The following ARHGAP10 variants were observed in gnomAD, a reference collection of about 807,000 sequenced individuals.
ARHGAP10 encodes the protein Rho GTPase activating protein 10.
ARHGAP10 carries 87 observed loss-of-function variants against 108.6 expected under a neutral mutation model. The ratio of observed to expected loss-of-function variants is 0.80; its 90% CI spans 0.67 to 0.96. The LOEUF (loss-of-function observed/expected upper bound fraction) is 0.96. Ranked by LOEUF, ARHGAP10 falls within the 40% of genes least tolerant of loss-of-function variation. The probability of loss-of-function intolerance (pLI) is 0.00; values close to 1 mark genes in which losing one functional copy is unlikely to be tolerated. For missense variants in ARHGAP10, 939 were observed against 954.5 expected (o/e 0.98, Z 0.21); for synonymous variants, 347 against 341.1 (o/e 1.02, Z -0.19).
At position 147,854,818 on chromosome 4, in the gene ARHGAP10, C is replaced by T. The variant is rs76331492; in HGVS notation, c.385-2735C>T. 4,683 of 985,290 alleles carry T rather than the reference C, an allele frequency of 4.8e-3. 165 individuals carry two copies. In the African/African-American group the frequency reaches 0.075, roughly 16 times the overall value. 61.0% of individuals were successfully genotyped at this position (985,290 alleles called of 1,614,324 possible). A position where few individuals can be genotyped will look rare whatever the true frequency, so the allele number is the denominator to read the frequency against. ...TGTATAATACCATACCATATATGGA[C>T]GAAGATATTTCTATTCTAAGCTTGG... On this transcript the variant is annotated intron_variant, in intron 4 of 22. Transcript: ENST00000336498.
At chr4:148,029,287 G>A (rs78164058) in intron 19 of ARHGAP10, among the ~76,000 whole-genome samples, 1,921 of 152,226 alleles carry the variant, frequency 0.013, 39 homozygotes, top group African/African-American at 0.044. Flanking sequence ...CATATTAAGG[G>A]ATGGGAGGCC....
At chr4:147,796,102 T>TC (rs934014990) in intron 1 of ARHGAP10, among the ~76,000 whole-genome samples, 3 of 152,134 alleles carry the variant, frequency 2.0e-5, no homozygotes, top group Non-Finnish European at 4.4e-5. Context: ...GTTTATAATT[T>TC]CCCCCCCTTC....
chr4:147,916,186 C>T (rs959331925), intron 13 of ARHGAP10, among the ~76,000 whole-genome samples: 8 of 152,130 alleles, frequency 5.3e-5, no homozygotes, highest in African/African-American at 1.4e-4. Context: ...TTCTAATCAC[C>T]GTTTCCATGT....
intron 21 of ARHGAP10, 70 bp downstream of exon 21, chr4:148,063,370 G>T: frequency 1.3e-6 from 2 of 1,577,360 alleles, no homozygotes; most frequent in South Asian, 2.3e-5. Flanking sequence ...ACCTGAGCAG[G>T]TTCTTGTGTT....
chr4:147,832,334 C>T (rs1277635373), intron 3 of ARHGAP10, among the ~76,000 whole-genome samples: 1 of 151,676 alleles, frequency 6.6e-6, no homozygotes, highest in African/African-American at 2.4e-5. Context: ...ACATATTTGA[C>T]CACTTAATTT....
chr4:147,885,763 G>A (rs1369271049), intron 10 of ARHGAP10, among the ~76,000 whole-genome samples: 1 of 152,184 alleles, frequency 6.6e-6, no homozygotes, highest in African/African-American at 2.4e-5. Context: ...TCCTTTAAAT[G>A]TTGCCATTTC....
chr4:147,891,967 C>T (rs953536960), intron 10 of ARHGAP10, among the ~76,000 whole-genome samples: 1 of 152,162 alleles, frequency 6.6e-6, no homozygotes, highest in Admixed American at 6.5e-5. Context: ...CCCCCCCACA[C>T]ATTTGCTTGA....
intron 1 of ARHGAP10, among the ~76,000 whole-genome samples, chr4:147,769,919 C>G (rs561340005): frequency 6.6e-6 from 1 of 152,294 alleles, no homozygotes; most frequent in South Asian, 2.1e-4. Context: ...ATAAGGAGTA[C>G]TTCATTGAGC....
At chr4:147,732,496 A>T in intron 1 of ARHGAP10, 41 bp downstream of exon 1, 1 of 1,603,790 alleles carries the variant, frequency 6.2e-7, no homozygotes, top group Non-Finnish European at 8.5e-7. Context: ...CGGCGTGGCG[A>T]GGCGGCTGGG....
At chr4:147,781,079 C>T (rs1027381944) in intron 1 of ARHGAP10, among the ~76,000 whole-genome samples, 2 of 152,060 alleles carry the variant, frequency 1.3e-5, no homozygotes, top group Non-Finnish European at 2.9e-5. Flanking sequence ...ACTGGCGGGG[C>T]CGGGCAAGGT....
intron 18 of ARHGAP10, among the ~76,000 whole-genome samples, chr4:147,975,464 A>C (rs11732086): frequency 0.056 from 8,549 of 152,232 alleles, 357 homozygotes; most frequent in South Asian, 0.086. Flanking sequence ...GGTAATTTTG[A>C]AGGAACAGAG....
chr4:147,892,420 C>T (rs961960854), intron 10 of ARHGAP10, among the ~76,000 whole-genome samples: 1 of 152,162 alleles, frequency 6.6e-6, no homozygotes, highest in African/African-American at 2.4e-5. Flanking sequence ...CACATCCAGG[C>T]ACCTAGACAA....
chr4:147,889,909 A>AT (rs1310625665), intron 10 of ARHGAP10, among the ~76,000 whole-genome samples: 1 of 152,100 alleles, frequency 6.6e-6, no homozygotes, highest in Non-Finnish European at 1.5e-5. Context: ...GTTAAAGTTT[A>AT]TTTTTTTCTC....
At chr4:148,019,842 A>G (rs1371155591) in intron 18 of ARHGAP10, among the ~76,000 whole-genome samples, 1 of 152,128 alleles carries the variant, frequency 6.6e-6, no homozygotes, top group Non-Finnish European at 1.5e-5. Context: ...AAGCCAGGAT[A>G]GTGCTGTCTC....
intron 19 of ARHGAP10, among the ~76,000 whole-genome samples, chr4:148,035,056 A>T (rs1037999667): frequency 6.6e-6 from 1 of 152,172 alleles, no homozygotes. Flanking sequence ...CCTTTGCAAG[A>T]GGTAGAGGTG....
chr4:148,014,914 G>A (rs976371502), intron 18 of ARHGAP10, among the ~76,000 whole-genome samples: 2 of 152,170 alleles, frequency 1.3e-5, no homozygotes, highest in Non-Finnish European at 2.9e-5. Flanking sequence ...TTGTAGAAAA[G>A]TACTTTTTTC....
At chr4:147,866,900 T>C in intron 7 of ARHGAP10, 84 bp downstream of exon 7, 1 of 1,156,694 alleles carries the variant, frequency 8.6e-7, no homozygotes, top group Non-Finnish European at 1.3e-6. Flanking sequence ...CTTAATTAAA[T>C]GAAGACAATG....
intron 15 of ARHGAP10, among the ~76,000 whole-genome samples, chr4:147,953,739 T>C (rs1245810663): frequency 6.6e-6 from 1 of 151,994 alleles, no homozygotes; most frequent in African/African-American, 2.4e-5. Context: ...TTTTCTGTTT[T>C]CGATTTAATT....
chr4:147,743,038 T>A (rs1297003483), intron 1 of ARHGAP10, among the ~76,000 whole-genome samples: 5 of 151,564 alleles, frequency 3.3e-5, no homozygotes, highest in African/African-American at 4.9e-5. Flanking sequence ...TTTTTTTTTT[T>A]TAATTTTTAT....
Sources: gnomAD v4.1 joint callset for allele counts (sites outside exome capture counted in the v4.1 genomes callset) on GRCh38, gnomAD v4.1.1 for gene constraint, MANE v1.5 for transcripts, NCBI Gene and HGNC (gene_info 2026-07-23, HGNC 2026-07-21) for gene names.